VPS13B: variants seen among roughly 807,000 people sequenced by gnomAD.
The protein encoded by VPS13B is vacuolar protein sorting 13 homolog B.
A neutral mutation model predicts 426.4 loss-of-function variants in VPS13B; 285 were observed. That is an observed-to-expected ratio of 0.67 (90% confidence interval 0.61 to 0.74). The LOEUF (loss-of-function observed/expected upper bound fraction) is 0.74, where lower values mean the gene tolerates loss of function less well. Among genes scored for constraint, VPS13B ranks in the 30% least tolerant of loss-of-function variants. VPS13B has a pLI of 0.00. For missense variants in VPS13B, 4,537 were observed against 4,782.6 expected, an observed-to-expected ratio of 0.95 and a Z score of 1.51; for synonymous variants, 1,676 against 1,676.4, an observed-to-expected ratio of 1.00 and a Z score of 0.01.
intron 21 of VPS13B, among the ~76,000 whole-genome samples, chr8:99,396,670 G>C (rs144734188): frequency 6.6e-6 from 1 of 151,782 alleles, no homozygotes; most frequent in East Asian, 1.9e-4. Context: ...GCCCTGTCCC[G>C]TGGCACTAAG....
intron 17 of VPS13B, among the ~76,000 whole-genome samples, chr8:99,270,131 C>CTTTTTTTTTTTTTT (rs71273170): frequency 0.11 from 3,455 of 30,310 alleles, 1,606 homozygotes; most frequent in Middle Eastern, 0.22. Flanking sequence ...ATATAAGAAT[C>CTTTTTTTTTTTTTT]TTTTTTTTTT....
At chr8:99,023,847 T>C (rs1166529813) in intron 2 of VPS13B, among the ~76,000 whole-genome samples, 1 of 152,232 alleles carries the variant, frequency 6.6e-6, no homozygotes, top group Non-Finnish European at 1.5e-5. Flanking sequence ...TATCCTTGTA[T>C]TGTATATAGA....
intron 21 of VPS13B, among the ~76,000 whole-genome samples, chr8:99,419,931 G>A (rs953877015): frequency 2.0e-5 from 3 of 152,120 alleles, no homozygotes; most frequent in Non-Finnish European, 2.9e-5. Flanking sequence ...CAAACACTCT[G>A]TTGGTGTCAG....
intron 23 of VPS13B, among the ~76,000 whole-genome samples, chr8:99,448,635 T>G (rs1818043797): frequency 6.6e-6 from 1 of 152,184 alleles, no homozygotes; most frequent in Non-Finnish European, 1.5e-5. Flanking sequence ...GTGTCATGCC[T>G]GTATTCTCTT....
chr8:99,478,456 T>G (rs1329758070), intron 24 of VPS13B, among the ~76,000 whole-genome samples: 52 of 131,916 alleles, frequency 3.9e-4, no homozygotes, highest in African/African-American at 1.3e-3. Flanking sequence ...TGTTTTTTTT[T>G]TTTTTTTTTG....
chr8:99,701,064 A>C (rs1458666282), intron 36 of VPS13B, among the ~76,000 whole-genome samples: 2 of 152,200 alleles, frequency 1.3e-5, no homozygotes, highest in Non-Finnish European at 2.9e-5. Context: ...ACAGAAAGGA[A>C]AAGTTTTATA....
intron 54 of VPS13B, among the ~76,000 whole-genome samples, chr8:99,847,615 C>G (rs1184545514): frequency 3.9e-5 from 6 of 152,106 alleles, no homozygotes; most frequent in Non-Finnish European, 4.4e-5. Context: ...CCAGGAAGAG[C>G]TGGAGGGGCT....
chr8:99,467,735 A>C, intron 24 of VPS13B, 101 bp downstream of exon 24: 2 of 1,249,930 alleles, frequency 1.6e-6, no homozygotes, highest in Non-Finnish European at 2.3e-6. Context: ...GAGTATCCTA[A>C]ATTATTTTTA....
intron 34 of VPS13B, among the ~76,000 whole-genome samples, chr8:99,650,500 T>A (rs1829766019): frequency 1.3e-5 from 2 of 152,216 alleles, no homozygotes; most frequent in South Asian, 4.1e-4. Context: ...TGATGTCCCT[T>A]ATCCATAGGG....
intron 3 of VPS13B, among the ~76,000 whole-genome samples, chr8:99,071,033 AT>A (rs1295769407): frequency 6.6e-6 from 1 of 152,010 alleles, no homozygotes; most frequent in Non-Finnish European, 1.5e-5. Context: ...AAAAATAAGT[AT>A]TTTAGGTTCT....
intron 19 of VPS13B, among the ~76,000 whole-genome samples, chr8:99,297,187 TA>T (rs1180792619): frequency 6.6e-6 from 1 of 152,162 alleles, no homozygotes; most frequent in Admixed American, 6.5e-5. Flanking sequence ...AAACTTAGTT[TA>T]GATTTTTCTT....
intron 39 of VPS13B, among the ~76,000 whole-genome samples, chr8:99,755,442 C>A (rs1810592557): frequency 6.6e-6 from 1 of 152,132 alleles, no homozygotes; most frequent in South Asian, 2.1e-4. Context: ...ATAAATATTA[C>A]TAAACAACAA....
At chr8:99,547,420 ACTT>A (rs1824046042) in intron 30 of VPS13B, among the ~76,000 whole-genome samples, 1 of 151,980 alleles carries the variant, frequency 6.6e-6, no homozygotes, top group Non-Finnish European at 1.5e-5. Context: ...TAAAAGTTTT[ACTT>A]CTTTTTCATT....
At position 99,448,677 on chromosome 8, in the gene VPS13B, G is replaced by A. The variant is rs577432209; in HGVS notation, c.3445+6042G>A. The stretch of plus-strand genomic sequence containing the variant: ...TCTTTCTTGAGTATTGGGACTGATG[G>A]CATGAATTAGACTGCTCTTTTATAG... On this transcript the variant is annotated intron_variant, in intron 23 of 61. Transcript: ENST00000357162. 3.3e-5 allele frequency among the ~76,000 whole-genome samples: 5 copies of A among 152,170 alleles called. No individual in the cohort carries two copies. In the East Asian group the frequency reaches 9.7e-4, roughly 29 times the overall value.
intron 19 of VPS13B, among the ~76,000 whole-genome samples, chr8:99,360,208 C>CTCTCTT (rs1812468650): frequency 4.9e-5 from 1 of 20,608 alleles, no homozygotes; most frequent in Non-Finnish European, 1.0e-4. Context: ...CTCTCTCTCT[C>CTCTCTT]TCTTTCTTTC....
chr8:99,283,282 A>G (rs1819263431), intron 19 of VPS13B, among the ~76,000 whole-genome samples: 1 of 152,232 alleles, frequency 6.6e-6, no homozygotes, highest in Non-Finnish European at 1.5e-5. Flanking sequence ...TGGTTTGGGC[A>G]TAAATGTGTA....
At chr8:99,809,575 A>G (rs1390240141) in intron 44 of VPS13B, 45 bp downstream of exon 44, 6 of 1,608,620 alleles carry the variant, frequency 3.7e-6, no homozygotes, top group Non-Finnish European at 5.1e-6. Flanking sequence ...TTAATTATTC[A>G]GTGTAATGGA....
intron 8 of VPS13B, among the ~76,000 whole-genome samples, chr8:99,126,120 A>G (rs983876852): frequency 6.6e-6 from 1 of 152,224 alleles, no homozygotes; most frequent in Admixed American, 6.5e-5. Context: ...ACAATAGGTC[A>G]TTAATTCATG....
chr8:99,450,209 G>A (rs545720878), intron 23 of VPS13B, among the ~76,000 whole-genome samples: 45 of 152,138 alleles, frequency 3.0e-4, no homozygotes, highest in Non-Finnish European at 7.3e-5. Flanking sequence ...AGAAATGACA[G>A]GAGAAAAAGG....
Sources: gnomAD v4.1 joint callset for allele counts (sites outside exome capture counted in the v4.1 genomes callset) on GRCh38, gnomAD v4.1.1 for gene constraint, MANE v1.5 for transcripts, NCBI Gene and HGNC (gene_info 2026-07-23, HGNC 2026-07-21) for gene names.